The following C9 variants were observed in gnomAD, a reference collection of about 807,000 sequenced individuals.
The protein encoded by C9 is complement C9, also known as complement component C9.
In C9, 63 loss-of-function variants were observed where a neutral mutation model predicts 65.4. That is an observed-to-expected ratio of 0.96 (90% CI 0.79 to 1.19). C9 has a LOEUF of 1.19. C9 is among the 50% of genes most tolerant of loss of function. C9 has a pLI of 0.00. For synonymous variants in C9, 229 were observed against 227.9 expected (o/e 1.00, Z -0.04); for missense variants, 744 against 670.1 (o/e 1.11, Z -1.22).
At chr5:39,339,861 G>A (rs13179098) in intron 4 of C9, among the ~76,000 whole-genome samples, 41,030 of 151,412 alleles carry the variant, frequency 0.27, 6,834 homozygotes, top group Non-Finnish European at 0.38. Flanking sequence ...GGTTTTCACC[G>A]TGTTAGCCAG....
chr5:39,296,372 AT>A (rs75402360), intron 9 of C9, among the ~76,000 whole-genome samples: 2,378 of 151,720 alleles, frequency 0.016, 61 homozygotes, highest in East Asian at 0.076. Flanking sequence ...CTGAAGAGCC[AT>A]TTTGCAAAAG....
At chr5:39,292,467 A>C (rs1369827948) in intron 9 of C9, among the ~76,000 whole-genome samples, 1 of 151,982 alleles carries the variant, frequency 6.6e-6, no homozygotes, top group East Asian at 1.9e-4. Context: ...TAGCTAATGC[A>C]CACTAAAAGA....
At chr5:39,293,340 A>G (rs2111846195) in intron 9 of C9, among the ~76,000 whole-genome samples, 1 of 152,080 alleles carries the variant, frequency 6.6e-6, no homozygotes, top group African/African-American at 2.4e-5. Flanking sequence ...GTAAAGACAT[A>G]CATAGATGGG....
chr5:39,323,197 C>T (rs1407583439), intron 5 of C9, among the ~76,000 whole-genome samples: 2 of 151,636 alleles, frequency 1.3e-5, no homozygotes, highest in Non-Finnish European at 2.9e-5. Context: ...AAAGAAAAGC[C>T]CAGAATCTGA....
At chr5:39,308,166 G>C in intron 8 of C9, 64 bp downstream of exon 8, 2 of 1,402,766 alleles carry the variant, frequency 1.4e-6, no homozygotes, top group Non-Finnish European at 2.0e-6. Context: ...CATTGCAAGA[G>C]GGCAGTGCTC....
rs1162363389 is a variant in C9, at chr5:39,310,989, G to T, written c.1111+148C>A. ...AATTTGCTATTTAACAGGGTTTTAG[G>T]TGCCAAAGGGCAGGAAGAGAGTCCT... is the stretch of plus-strand genomic sequence containing the variant. On this transcript the variant is annotated intron_variant, in intron 7 of 10. Coordinates refer to ENST00000263408, the MANE Select transcript of C9 (RefSeq NM_001737.5). 3.6e-6 allele frequency: 3 copies of T among 844,740 alleles called. No homozygotes were observed. In the East Asian group the frequency reaches 7.5e-5, roughly 21 times the overall value. 52.3% of individuals were successfully genotyped at this position (844,740 alleles called of 1,614,324 possible).
At chr5:39,349,270 A>G (rs954685075) in intron 1 of C9, among the ~76,000 whole-genome samples, 1 of 151,688 alleles carries the variant, frequency 6.6e-6, no homozygotes, top group Non-Finnish European at 1.5e-5. Context: ...ACTCTGATTC[A>G]TTGAATATCT....
At chr5:39,359,973 A>G (rs1374773862) in intron 1 of C9, among the ~76,000 whole-genome samples, 2 of 152,262 alleles carry the variant, frequency 1.3e-5, no homozygotes, top group Non-Finnish European at 1.5e-5. Context: ...TCATAAATAA[A>G]TATCTGTTCA....
chr5:39,316,015 T>G lies in C9; in HGVS notation c.630A>C (p.Lys210Asn), dbSNP rs763744652. 1 of 1,612,342 alleles carries G rather than the reference T, an allele frequency of 6.2e-7. No homozygotes were observed. Among genetic ancestry groups the G allele is most frequent in the Non-Finnish European group, 8.5e-7 (1 of 1,179,034 alleles). Residue 210 changes from lysine to asparagine, a missense_variant, in exon 6 of 11, where the codon AAA becomes AAC. Physicochemically the swap from Lys to Asn is moderately conservative, Grantham distance 94. Transcript: ENST00000263408. ...ASLIYETKGE[K>N]NFRTEHYEEQ... ...CTTCGTAATGTTCGGTTCTGAAATTTTTCTCGCCTTTGGTCTAAAAGAGAA... is the reference window on the plus strand; with the variant it reads ...CTTCGTAATGTTCGGTTCTGAAATTGTTCTCGCCTTTGGTCTAAAAGAGAA...
chr5:39,310,348 C>A (rs148167110), intron 7 of C9, among the ~76,000 whole-genome samples: 1 of 152,148 alleles, frequency 6.6e-6, no homozygotes, highest in Non-Finnish European at 1.5e-5. Flanking sequence ...ATCCTGGCAT[C>A]CATCACCTCC....
intron 5 of C9, among the ~76,000 whole-genome samples, chr5:39,330,720 C>CTT (rs142809161): frequency 0.03 from 4,556 of 152,148 alleles, 209 homozygotes; most frequent in African/African-American, 0.1. Flanking sequence ...TGGCAACTGA[C>CTT]ATATTCTGAC....
At position 39,342,140 on chromosome 5, in the gene C9, A is replaced by G. The variant is rs761345691; in HGVS notation, c.134T>C (p.Met45Thr). 1.2e-6 allele frequency: 2 copies of G among 1,611,278 alleles called. No individual in the cohort carries two copies. Among genetic ancestry groups the G allele is most frequent in the Non-Finnish European group, 1.7e-6 (2 of 1,177,530 alleles). Residue 45 changes from methionine to threonine, a missense_variant, in exon 2 of 11, where the codon ATG becomes ACG. Transcript: ENST00000263408. ...TTGTGACCATTCACTCCAGGGGCTC[A>G]TTCTGCAGTCTATGTGTGATGCAGA... is the stretch of plus-strand genomic sequence containing the variant. ...SGSASHIDCR[M>T]SPWSEWSQCD... is the part of the protein sequence containing the mutation.
intron 1 of C9, among the ~76,000 whole-genome samples, chr5:39,354,783 C>A (rs938518732): frequency 1.3e-5 from 2 of 152,212 alleles, no homozygotes; most frequent in South Asian, 2.1e-4. Flanking sequence ...CCCTGCATAG[C>A]TAATAATAGG....
intron 9 of C9, among the ~76,000 whole-genome samples, chr5:39,297,814 A>G (rs752289078): frequency 1.3e-4 from 19 of 151,714 alleles, no homozygotes; most frequent in Non-Finnish European, 2.1e-4. Context: ...ACAGGAAAAG[A>G]AGTCCTGGGC....
intron 5 of C9, among the ~76,000 whole-genome samples, chr5:39,325,153 C>G (rs558751708): frequency 1.3e-5 from 2 of 152,122 alleles, no homozygotes; most frequent in African/African-American, 4.8e-5. Context: ...ATAATAAAAC[C>G]ATAAACCACA....
At chr5:39,295,722 A>G (rs1254874058) in intron 9 of C9, among the ~76,000 whole-genome samples, 2 of 151,616 alleles carry the variant, frequency 1.3e-5, no homozygotes, top group Non-Finnish European at 3.0e-5. Flanking sequence ...AAGCAATCTT[A>G]AACAAACAAC....
intron 9 of C9, among the ~76,000 whole-genome samples, chr5:39,296,358 T>G (rs1333618295): frequency 6.6e-6 from 1 of 151,176 alleles, no homozygotes; most frequent in Non-Finnish European, 1.5e-5. Flanking sequence ...AATAAACAAA[T>G]GATCTGAAGA....
intron 5 of C9, among the ~76,000 whole-genome samples, chr5:39,326,530 T>A (rs16868614): frequency 6.6e-6 from 1 of 152,090 alleles, no homozygotes; most frequent in African/African-American, 2.4e-5. Context: ...ACTCTCAGGG[T>A]TTTGCTCTCC....
At chr5:39,289,984 G>A (rs1299238135) in intron 9 of C9, among the ~76,000 whole-genome samples, 2 of 151,810 alleles carry the variant, frequency 1.3e-5, no homozygotes, top group Non-Finnish European at 2.9e-5. Context: ...TATTTATTTG[G>A]CACACTCAAA....
Sources: gnomAD v4.1 joint callset for allele counts (sites outside exome capture counted in the v4.1 genomes callset) on GRCh38, gnomAD v4.1.1 for gene constraint, MANE v1.5 for transcripts, NCBI Gene and HGNC (gene_info 2026-07-23, HGNC 2026-07-21) for gene names.